The following FAM107A variants were observed in gnomAD, a reference collection of about 807,000 sequenced individuals.
FAM107A encodes the protein family with sequence similarity 107 member A, also known as actin-associated protein FAM107A.
Under a neutral mutation model 13.7 loss-of-function variants are expected in FAM107A, and 19 were observed. The observed-to-expected ratio is 1.38, with a 90% confidence interval of 0.97 to 2.03. The LOEUF (loss-of-function observed/expected upper bound fraction) is 2.03, where lower values mean the gene tolerates loss of function less well. Ranked by LOEUF, FAM107A falls within the 30% of genes most tolerant of loss-of-function variation. The pLI is 0.00. For missense variants in FAM107A, 203 were observed against 184.4 expected (o/e 1.10, Z -0.58); for synonymous variants, 82 against 74.5 (o/e 1.10, Z -0.52).
intron 1 of FAM107A, among the ~76,000 whole-genome samples, chr3:58,598,996 C>T (rs1033634934): frequency 9.2e-5 from 14 of 152,096 alleles, no homozygotes; most frequent in African/African-American, 2.9e-4. Flanking sequence ...GGCTGGAGTG[C>T]GATGCTGGGA....
In FAM107A at chr3:58,599,696, A is replaced by ATTTTTTTTTTTTTTT. The variant is rs57244654; in HGVS notation, c.-69-10442_-69-10428dup. 1.1e-3 allele frequency among the ~76,000 whole-genome samples: 84 copies of ATTTTTTTTTTTTTTT among 78,580 alleles called. 18 individuals are homozygous for ATTTTTTTTTTTTTTT. Among genetic ancestry groups the ATTTTTTTTTTTTTTT allele is most frequent in the Non-Finnish European group, 1.7e-3 (64 of 37,404 alleles). The allele number at this position is 78,580 out of a possible 152,430, so 51.6% of individuals were successfully genotyped here. On this transcript the variant is annotated intron_variant, in intron 1 of 3. Coordinates refer to the FAM107A transcript ENST00000465970. ...GTGGTATACTTAAAACAAGTGCACC[A>ATTTTTTTTTTTTTTT]TTTTTTTTTTTTTTTTTTTTTTTTT... is the stretch of plus-strand genomic sequence containing the variant.
upstream of FAM107A, chr3:58,589,218 G>A (rs766366211): frequency 1.8e-5 from 28 of 1,534,362 alleles, no homozygotes; most frequent in South Asian, 7.1e-5. Context: ...GAGCCATTTC[G>A]TCTCTGCTTC....
chr3:58,609,706 G>C (rs761761238), intron 1 of FAM107A, among the ~76,000 whole-genome samples: 2 of 152,182 alleles, frequency 1.3e-5, no homozygotes, highest in Non-Finnish European at 2.9e-5. Flanking sequence ...GAGCCACCTA[G>C]GGGGTCGTGG....
At chr3:58,582,877 C>T (rs1415839974) in intron 1 of FAM107A, among the ~76,000 whole-genome samples, 2 of 152,192 alleles carry the variant, frequency 1.3e-5, no homozygotes, top group Admixed American at 6.5e-5. Context: ...CGGCTCACTG[C>T]GACCTCTGCC....
intron 1 of FAM107A, among the ~76,000 whole-genome samples, chr3:58,619,953 G>A (rs1415455822): frequency 6.6e-6 from 1 of 152,078 alleles, no homozygotes; most frequent in Non-Finnish European, 1.5e-5. Flanking sequence ...AGGGACATGT[G>A]GGGGAAACTG....
At chr3:58,578,778 C>T (rs1251708199), upstream of FAM107A, among the ~76,000 whole-genome samples, 1 of 152,174 alleles carries the variant, frequency 6.6e-6, no homozygotes, top group Non-Finnish European at 1.5e-5. Context: ...TAGACCAGGC[C>T]TCCACCCCAA....
At chr3:58,572,295 C>A (rs1216282502) in intron 1 of FAM107A, among the ~76,000 whole-genome samples, 1 of 152,110 alleles carries the variant, frequency 6.6e-6, no homozygotes, top group Non-Finnish European at 1.5e-5. Context: ...GCTGGGGAGG[C>A]CAACAGTCAG....
chr3:58,618,059 G>T (rs969393962), intron 1 of FAM107A, among the ~76,000 whole-genome samples: 3 of 152,196 alleles, frequency 2.0e-5, no homozygotes, highest in African/African-American at 7.2e-5. Flanking sequence ...TGGGTTTGTG[G>T]TGAGGATTCC....
chr3:58,590,566 G>GGT (rs1466967674), upstream of FAM107A, among the ~76,000 whole-genome samples: 2 of 152,204 alleles, frequency 1.3e-5, no homozygotes, highest in Non-Finnish European at 2.9e-5. Flanking sequence ...AATGGTTGGA[G>GGT]AGGCTCCAGG....
upstream of FAM107A, among the ~76,000 whole-genome samples, chr3:58,591,368 GT>G (rs2065653321): frequency 6.6e-6 from 1 of 152,172 alleles, no homozygotes; most frequent in Non-Finnish European, 1.5e-5. This position sits in a 1 kb window ranked among gnomAD's most constrained non-coding sequence, Gnocchi z 4.3. Flanking sequence ...AGGGTCAGCG[GT>G]TAATGCAAAG....
intron 1 of FAM107A, among the ~76,000 whole-genome samples, chr3:58,605,335 C>G (rs377475459): frequency 1.3e-4 from 20 of 152,192 alleles, no homozygotes; most frequent in Admixed American, 1.0e-3. Context: ...TGGGCAAGAA[C>G]CTGTGGGTCA....
chr3:58,617,476 C>T lies in FAM107A; in HGVS notation c.-70+9940G>A, dbSNP rs17059498. ...GCTTCCCTGTGGCAGCCTCTGTCAT[C>T]TTAGATTTTAGATGAAAAAGAAAGT... On this transcript the variant is annotated intron_variant, in intron 1 of 3. Coordinates refer to the FAM107A transcript ENST00000465970. This position sits in a 1 kb window ranked among gnomAD's most constrained non-coding sequence, Gnocchi z 4.5. 0.38 allele frequency among the ~76,000 whole-genome samples: 57,528 copies of T among 151,872 alleles called. 11,344 individuals are homozygous for T. The highest frequency in any genetic ancestry group is 0.52 in the South Asian group (2,519 of 4,804).
chr3:58,624,320 C>A (rs1192710717), intron 1 of FAM107A, among the ~76,000 whole-genome samples: 2 of 152,206 alleles, frequency 1.3e-5, no homozygotes, highest in African/African-American at 2.4e-5. Context: ...CACCTTGGTG[C>A]CCTTGATAGG....
At chr3:58,574,607 A>T (rs539488567) in intron 1 of FAM107A, among the ~76,000 whole-genome samples, 1 of 152,204 alleles carries the variant, frequency 6.6e-6, no homozygotes, top group Non-Finnish European at 1.5e-5. Context: ...TGAGCTAAAG[A>T]GCTGGGCATG....
intron 1 of FAM107A, among the ~76,000 whole-genome samples, chr3:58,574,016 G>A (rs1263308011): frequency 2.0e-5 from 3 of 152,216 alleles, no homozygotes; most frequent in Non-Finnish European, 4.4e-5. Context: ...GCCTCGTACA[G>A]AGTTGAGCGC....
At chr3:58,624,116 C>G (rs369549973) in intron 1 of FAM107A, among the ~76,000 whole-genome samples, 1 of 152,184 alleles carries the variant, frequency 6.6e-6, no homozygotes, top group African/African-American at 2.4e-5. Context: ...GGACCTGTGG[C>G]CTTGCTGTGT....
At chr3:58,599,756 C>G (rs150427548) in intron 1 of FAM107A, among the ~76,000 whole-genome samples, 101 of 121,410 alleles carry the variant, frequency 8.3e-4, no homozygotes, top group African/African-American at 3.2e-3. Flanking sequence ...CCCGCTCTGT[C>G]ACCTAGGCTG....
At chr3:58,568,993 A>G (rs548062678) in intron 2 of FAM107A, among the ~76,000 whole-genome samples, 3 of 151,844 alleles carry the variant, frequency 2.0e-5, no homozygotes, top group Non-Finnish European at 4.4e-5. Flanking sequence ...ATTCCTGCCC[A>G]CTTTGGTATT....
chr3:58,571,638 T>C (rs2063684930), intron 1 of FAM107A, among the ~76,000 whole-genome samples: 1 of 152,224 alleles, frequency 6.6e-6, no homozygotes. Flanking sequence ...GATCAAGCTC[T>C]CTGGGTGCTT....
Sources: gnomAD v4.1 joint callset for allele counts (sites outside exome capture counted in the v4.1 genomes callset) on GRCh38, gnomAD v4.1.1 for gene constraint, Gnocchi (gnomAD v3.1) non-coding constraint, MANE v1.5 for transcripts, NCBI Gene and HGNC (gene_info 2026-07-23, HGNC 2026-07-21) for gene names.